NTN5: variants seen among roughly 807,000 people sequenced by gnomAD.
NTN5 encodes the protein netrin-5.
NTN5 carries 42 observed loss-of-function variants against 38.7 expected under a neutral mutation model. That is an observed-to-expected ratio of 1.08 (90% confidence interval 0.85 to 1.40). The LOEUF is 1.40. Among genes scored for constraint, NTN5 ranks in the 40% most tolerant of loss-of-function variants. The pLI is 0.00. For synonymous variants in NTN5, 329 were observed against 303.9 expected, an observed-to-expected ratio of 1.08 and a Z score of -0.86; for missense variants, 658 against 716.5, an observed-to-expected ratio of 0.92 and a Z score of 0.93.
chr19:48,661,444 C>A lies in NTN5; in HGVS notation c.*233G>T. 2 of 419,238 alleles carry A rather than the reference C, an allele frequency of 4.8e-6. No homozygotes were observed. Among genetic ancestry groups the A allele is most frequent in the East Asian group, 4.3e-5 (1 of 23,442 alleles). 26.0% of individuals were successfully genotyped at this position (419,238 alleles called of 1,614,324 possible). On this transcript the variant is annotated 3_prime_UTR_variant, in exon 7 of 7. Transcript: ENST00000270235. Reference sequence around the variant, plus strand: ...TGAGACTTTATTGGGGGAAACAGATCACTGGCGGGGAATAAGCCACAGGCC... The same window carrying A: ...TGAGACTTTATTGGGGGAAACAGATAACTGGCGGGGAATAAGCCACAGGCC...
intron 2 of NTN5, chr19:48,667,475 C>A: frequency 3.8e-6 from 1 of 263,778 alleles, no homozygotes. Flanking sequence ...TGAGTCTCAC[C>A]CCTCACTCCC....
In NTN5 at chr19:48,663,463, C is replaced by T; in HGVS notation, c.1105G>A (p.Val369Ile). The T allele has an allele frequency of 6.2e-7, 1 of 1,613,414 alleles. No individual in the cohort carries two copies. The highest frequency in any genetic ancestry group is 8.5e-7 in the Non-Finnish European group (1 of 1,179,372). ...SLRRYCQQDHVLRAQVLASEA... is the reference protein window; with the variant it reads ...SLRRYCQQDHILRAQVLASEA... ...AGCTGTCTGTCTCCCCAGCACTCAC[C>T]ATGGTCCTGCTGGCAGTACCTCCGA... is the stretch of plus-strand genomic sequence containing the variant. Residue 369 changes from valine (V) to isoleucine (I), a missense_variant and splice_region_variant, in exon 6 of 7, where the codon GTT becomes ATT. Transcript: ENST00000270235.
intron 2 of NTN5, among the ~76,000 whole-genome samples, chr19:48,669,632 A>ATCATCACCACCATCACCACCACC (rs1568452330): frequency 2.7e-5 from 1 of 36,740 alleles, no homozygotes; most frequent in Non-Finnish European, 4.7e-5. Flanking sequence ...CACCACCACC[A>ATCATCACCACCATCACCACCACC]GTCATCACCA....
chr19:48,667,817 C>A (rs2031743882), intron 2 of NTN5, among the ~76,000 whole-genome samples: 1 of 151,970 alleles, frequency 6.6e-6, no homozygotes, highest in African/African-American at 2.4e-5. Flanking sequence ...GATGGCGCCA[C>A]TGCACTCCAG....
At chr19:48,669,960 C>CCAT (rs71179031) in intron 2 of NTN5, among the ~76,000 whole-genome samples, 104,235 of 114,614 alleles carry the variant, frequency 0.91, 47,570 homozygotes, top group African/African-American at 0.97. Context: ...ACCACCATCA[C>CCAT]CATCACCACC....
chr19:48,667,370 C>T, intron 2 of NTN5: 2 of 420,690 alleles, frequency 4.8e-6, no homozygotes, highest in Non-Finnish European at 4.8e-6. Context: ...CTGCCCTGCT[C>T]AGTCTGGGGG....
At chr19:48,663,729 C>T in intron 5 of NTN5, 32 bp downstream of exon 5, 1 of 1,608,854 alleles carries the variant, frequency 6.2e-7, no homozygotes. Flanking sequence ...TCCCACTTGC[C>T]ACTCAGGGAC....
At chr19:48,669,787 C>T (rs1319680570) in intron 2 of NTN5, among the ~76,000 whole-genome samples, 8 of 127,120 alleles carry the variant, frequency 6.3e-5, no homozygotes, top group Non-Finnish European at 1.0e-4. Flanking sequence ...ATCACACCAC[C>T]ACCATCACCA....
intron 2 of NTN5, among the ~76,000 whole-genome samples, chr19:48,667,121 A>G (rs2031726025): frequency 6.6e-6 from 1 of 152,124 alleles, no homozygotes; most frequent in African/African-American, 2.4e-5. Context: ...TTTTGTGGGC[A>G]TTCAAAGTGG....
rs1032344191 is a variant in NTN5, at chr19:48,664,216, C to A, written c.897G>T (p.Gly299=). ...QTSGQCTCKL[G]VTGLTCNRCG... ...AGCGGTTGCAGGTCAGGCCTGTGAC[C>A]CCTAACTTGCAGGTGCACTGCCCAC... The change falls in exon 4 of 7, where the codon GGG becomes GGT. Residue 299 remains glycine, a synonymous_variant. Transcript: ENST00000270235. 7.4e-6 allele frequency: 12 copies of A among 1,611,740 alleles called. No individual in the cohort carries two copies. The highest frequency in any genetic ancestry group is 9.3e-6 in the Non-Finnish European group (11 of 1,179,092).
chr19:48,661,945 G>A lies in NTN5; in HGVS notation c.1202C>T (p.Pro401Leu). ...GGCGTCCTGGTCGCCGCGTCGCACG[G>A]GCTGCGCCCGCTGCTTGTAAACGGC... Reference protein sequence around the residue: ...VLAVYKQRAQPVRRGDQDAWV... With the variant: ...VLAVYKQRAQLVRRGDQDAWV... Residue 401 changes from proline to leucine, a missense_variant, in exon 7 of 7, where the codon CCC (proline) becomes CTC (leucine). Pro to Leu is a moderately conservative substitution (Grantham distance 98). Transcript: ENST00000270235. 7.0e-7 allele frequency: 1 copy of A among 1,424,534 alleles called. No individual in the cohort carries two copies. 88.2% of individuals were successfully genotyped at this position (1,424,534 alleles called of 1,614,324 possible).
At position 48,661,601 on chromosome 19, in the gene NTN5, C is replaced by T; in HGVS notation, c.*76G>A. 1.4e-5 allele frequency: 19 copies of T among 1,393,744 alleles called. No homozygotes were observed. Among genetic ancestry groups the T allele is most frequent in the South Asian group, 3.1e-5 (2 of 64,962 alleles). 86.3% of individuals were successfully genotyped at this position (1,393,744 alleles called of 1,614,324 possible). On this transcript the variant is annotated 3_prime_UTR_variant, in exon 7 of 7. Coordinates refer to ENST00000270235, the MANE Select transcript of NTN5 (RefSeq NM_145807.4). ...CGTCTGATTGGCTCTCTGCAGTGCA[C>T]CGTCGAGGTAGAAGGCTCAGCTCCT...
In NTN5 at chr19:48,662,014, T is replaced by C; in HGVS notation, c.1133A>G (p.Glu378Gly). 1 of 1,487,024 alleles carries C rather than the reference T, an allele frequency of 6.7e-7. No homozygotes were observed. The allele number at this position is 1,487,024 out of a possible 1,614,324, so 92.1% of individuals were successfully genotyped here. A position where few individuals can be genotyped will look rare whatever the true frequency, so the allele number is the denominator to read the frequency against. The change falls in exon 7 of 7, where the codon GAG (glutamate) becomes GGG (glycine). Residue 378 changes from glutamate to glycine, a missense_variant. Coordinates refer to ENST00000270235, the MANE Select transcript of NTN5 (RefSeq NM_145807.4). ...CCGCTGCCATGCCGGGCCCGCCGCC[T>C]CGGACGCTAGCACCTGCGCGCGGAG... Reference protein sequence around the residue: ...HVLRAQVLASEAAGPAWQRLA... With the variant: ...HVLRAQVLASGAAGPAWQRLA...
At chr19:48,664,043 A>C in intron 4 of NTN5, 100 bp downstream of exon 4, 1 of 1,413,788 alleles carries the variant, frequency 7.1e-7, no homozygotes, top group Non-Finnish European at 9.5e-7. Flanking sequence ...TGGGCTCCCA[A>C]TTCCCAAGGC....
chr19:48,669,199 C>T (rs1328767462), intron 2 of NTN5, among the ~76,000 whole-genome samples: 1 of 33,756 alleles, frequency 3.0e-5, no homozygotes, highest in Non-Finnish European at 5.1e-5. Context: ...TCATCACCAC[C>T]ATCACCATCA....
chr19:48,661,954 C>T lies in NTN5; in HGVS notation c.1193G>A (p.Arg398Gln), dbSNP rs751229571. The T allele has an allele frequency of 2.1e-6, 3 of 1,447,624 alleles. No homozygotes were observed. Among genetic ancestry groups the T allele is most frequent in the Non-Finnish European group, 2.7e-6 (3 of 1,107,320 alleles). The allele number at this position is 1,447,624 out of a possible 1,614,324, so 89.7% of individuals were successfully genotyped here. A position where few individuals can be genotyped will look rare whatever the true frequency, so the allele number is the denominator to read the frequency against. ...AVRVLAVYKQ[R>Q]AQPVRRGDQD... Reference sequence around the variant, plus strand: ...GTCGCCGCGTCGCACGGGCTGCGCCCGCTGCTTGTAAACGGCCAGCACGCG... The same window carrying T: ...GTCGCCGCGTCGCACGGGCTGCGCCTGCTGCTTGTAAACGGCCAGCACGCG... Residue 398 changes from arginine (R) to glutamine (Q), a missense_variant, in exon 7 of 7, where the codon CGG (arginine) becomes CAG (glutamine). Physicochemically the swap from Arg to Gln is conservative, Grantham distance 43 (BLOSUM62 1). Transcript: ENST00000270235.
chr19:48,668,048 C>T (rs2031750256), intron 2 of NTN5, among the ~76,000 whole-genome samples: 1 of 152,018 alleles, frequency 6.6e-6, no homozygotes. Flanking sequence ...GGAGCTGACA[C>T]CGGCTGTCTC....
chr19:48,663,473 C>T lies in NTN5; in HGVS notation c.1095G>A (p.Gln365=), dbSNP rs2031602871. Residue 365 remains glutamine (Q), a synonymous_variant, in exon 6 of 7, where the codon CAG becomes CAA. Transcript: ENST00000270235. ...RVHMSLRRYC[Q]QDHVLRAQVL... ...CTCCCCAGCACTCACCATGGTCCTG[C>T]TGGCAGTACCTCCGAAGGCTCATGT... 1.2e-6 allele frequency: 2 copies of T among 1,614,086 alleles called. No individual in the cohort carries two copies. The highest frequency in any genetic ancestry group is 2.2e-5 in the South Asian group (2 of 91,080).
rs776094221 is a variant in NTN5, at chr19:48,663,526, A to G, written c.1042T>C (p.Tyr348His). ...AYSSDPQCQN[Y>H]CNMSDTRVHM... ...ACCCTGGTGTCCGACATATTGCAGT[A>G]GTTTTGACACTGAGGGTCTGGGGAG... Residue 348 changes from tyrosine (Y) to histidine (H), a missense_variant, in exon 6 of 7, where the codon TAC (tyrosine) becomes CAC (histidine). By Grantham distance (83) the Tyr-to-His change is moderately conservative. Transcript: ENST00000270235. The G allele has an allele frequency of 1.5e-5, 24 of 1,614,146 alleles. No homozygotes were observed. The highest frequency in any genetic ancestry group is 2.0e-5 in the Non-Finnish European group (24 of 1,180,004).
Sources: allele counts gnomAD v4.1 joint callset (sites outside exome capture counted in the v4.1 genomes callset), GRCh38; gene constraint gnomAD v4.1.1; transcripts MANE v1.5; gene names NCBI Gene and HGNC (gene_info 2026-07-23, HGNC 2026-07-21).